MFSD12: variants seen among roughly 807,000 people sequenced by gnomAD.
MFSD12 encodes major facilitator superfamily domain containing 12.
MFSD12 carries 67 observed loss-of-function variants against 51.2 expected under a neutral mutation model. The ratio of observed to expected loss-of-function variants is 1.31; its 90% CI spans 1.08 to 1.60. The LOEUF (loss-of-function observed/expected upper bound fraction) is 1.60, where lower values mean the gene tolerates loss of function less well. Ranked by LOEUF, MFSD12 falls within the 40% of genes most tolerant of loss-of-function variation. The probability of loss-of-function intolerance (pLI) is 0.00; values close to 1 mark genes in which losing one functional copy is unlikely to be tolerated. For missense variants in MFSD12, 921 were observed against 673.0 expected (o/e 1.37, Z -4.08); for synonymous variants, 441 against 316.7 (o/e 1.39, Z -4.17).
chr19:3,556,188 C>G (rs745925528), intron 1 of MFSD12, among the ~76,000 whole-genome samples: 3 of 152,230 alleles, frequency 2.0e-5, no homozygotes, highest in Non-Finnish European at 4.4e-5. Flanking sequence ...GCAGAACACA[C>G]AGAGAGAGAG....
At chr19:3,543,502 G>A, downstream of MFSD12, 1 of 1,345,680 alleles carries the variant, frequency 7.4e-7, no homozygotes, top group African/African-American at 1.6e-5. Flanking sequence ...GCCCTGGGCA[G>A]CGGGCCTGCC....
chr19:3,544,030 A>G (rs982784090), downstream of MFSD12: 17 of 1,517,690 alleles, frequency 1.1e-5, no homozygotes, highest in Non-Finnish European at 1.3e-5. Context: ...ACCAGGATGC[A>G]CCCACTGTCT....
chr19:3,542,896 G>A, downstream of MFSD12: 1 of 1,414,138 alleles, frequency 7.1e-7, no homozygotes, highest in Non-Finnish European at 9.5e-7. Context: ...TGTGGGTCTT[G>A]GAGGCTGGAC....
downstream of MFSD12, chr19:3,544,101 C>T: frequency 7.0e-7 from 1 of 1,432,848 alleles, no homozygotes; most frequent in African/African-American, 1.4e-5. Flanking sequence ...GGGACAGAGG[C>T]AGACACTGGG....
At chr19:3,547,205 G>C (rs137947837) in intron 6 of MFSD12, 67 bp downstream of exon 6, 1 of 1,376,224 alleles carries the variant, frequency 7.3e-7, no homozygotes, top group Non-Finnish European at 1.0e-6. Context: ...AACCCGGAGC[G>C]GGTGGGATCT....
At chr19:3,539,296 C>A, downstream of MFSD12, 1 of 1,105,008 alleles carries the variant, frequency 9.0e-7, no homozygotes, top group Non-Finnish European at 1.3e-6. Context: ...CCTCCCAGCC[C>A]CTCCCTCCCT....
At chr19:3,543,815 A>C, downstream of MFSD12, 1 of 1,509,926 alleles carries the variant, frequency 6.6e-7, no homozygotes, top group Non-Finnish European at 8.9e-7. Context: ...TGGTGACCCG[A>C]GTCCCACCTA....
chr19:3,542,587 C>T, downstream of MFSD12: 1 of 753,050 alleles, frequency 1.3e-6, no homozygotes, highest in Non-Finnish European at 1.6e-6. Flanking sequence ...GATTCTCCTG[C>T]CTCAGCCTCC....
chr19:3,550,653 G>C (rs1462017445), intron 2 of MFSD12, among the ~76,000 whole-genome samples: 2 of 152,130 alleles, frequency 1.3e-5, no homozygotes, highest in East Asian at 3.9e-4. Flanking sequence ...GCCTCCCAAA[G>C]TGCTGGGATT....
chr19:3,550,932 A>G (rs2031435851), intron 2 of MFSD12, 52 bp downstream of exon 2: 3 of 1,505,108 alleles, frequency 2.0e-6, no homozygotes, highest in Non-Finnish European at 2.7e-6. Context: ...ACTGACTGAT[A>G]CACCGAGCCG....
rs2030737405 is a variant in MFSD12, at chr19:3,544,235, C to T, written c.*475G>A. On this transcript the variant is annotated 3_prime_UTR_variant, in exon 10 of 10. Transcript: ENST00000355415. ...CTTTATTTGCTGCCAGCAGAGTCCA[C>T]CAAGCCTGCCGGGCAGCCCTGCTGC... 2 of 1,331,794 alleles carry T rather than the reference C, an allele frequency of 1.5e-6. No individual in the cohort carries two copies. The highest frequency in any genetic ancestry group is 4.2e-5 in the South Asian group (2 of 47,144). The allele number at this position is 1,331,794 out of a possible 1,614,324, so 82.5% of individuals were successfully genotyped here. A position where few individuals can be genotyped will look rare whatever the true frequency, so the allele number is the denominator to read the frequency against.
In MFSD12 at chr19:3,544,831, C is replaced by T. The variant is rs576528104; in HGVS notation, c.1398G>A (p.Leu466=). The part of the protein sequence containing the change: ...AAALCLCSLL[L]WPTRLRRWDR... ...CACAGCGTCGCAGGCGGGTCGGCCA[C>T]AGCAGGAGGCTACAGAGACACAGGG... Residue 466 remains leucine, a synonymous_variant, in exon 9 of 10, where the codon CTG becomes CTA. Coordinates refer to ENST00000355415, the MANE Select transcript of MFSD12 (RefSeq NM_174983.5). 1.2e-4 allele frequency: 200 copies of T among 1,612,526 alleles called. 3 individuals are homozygous for T. The South Asian group carries it at 2.1e-3, about 17-fold the overall frequency.
Position 3,546,292 on chromosome 19 carries a change from G to C in MFSD12, c.1157C>G (p.Ser386Trp), listed in dbSNP as rs375475821. ...GATGAGGTCGGCCGTCATGGCCAGC[G>C]AGGTGACGAGGATGGTGGCACAGCC... ...GAGCATILVT[S>W]LAMTADLIGP... The change falls in exon 7 of 10, where the codon TCG becomes TGG. Residue 386 changes from serine (S) to tryptophan (W), a missense_variant. Transcript: ENST00000355415. The C allele has an allele frequency of 6.2e-7, 1 of 1,610,254 alleles. No homozygotes were observed. The highest frequency in any genetic ancestry group is 8.5e-7 in the Non-Finnish European group (1 of 1,179,012).
In MFSD12 at chr19:3,557,443, G is replaced by A; in HGVS notation, c.-40C>T. 2 of 1,177,174 alleles carry A rather than the reference G, an allele frequency of 1.7e-6. No individual in the cohort carries two copies. Among genetic ancestry groups the A allele is most frequent in the Non-Finnish European group, 2.1e-6 (2 of 945,708 alleles). 72.9% of individuals were successfully genotyped at this position (1,177,174 alleles called of 1,614,324 possible). A position where few individuals can be genotyped will look rare whatever the true frequency, so the allele number is the denominator to read the frequency against. On this transcript the variant is annotated 5_prime_UTR_variant, in exon 1 of 10. Transcript: ENST00000355415. ...CGCGCCCCCCACCCCCGGGCTCCGC[G>A]GAGGGTACCCTGGCCAGGCCTTCTT...
intron 4 of MFSD12, chr19:3,538,864 G>C: frequency 1.7e-6 from 1 of 594,174 alleles, no homozygotes; most frequent in Non-Finnish European, 3.3e-6. Context: ...GATCGAAGGG[G>C]CAGGGGGAGA....
Position 3,546,295 on chromosome 19 carries a change from G to T in MFSD12, c.1154C>A (p.Thr385Asn). The change falls in exon 7 of 10, where the codon ACC (threonine) becomes AAC (asparagine). Residue 385 changes from threonine (T) to asparagine (N), a missense_variant. Thr to Asn is a moderately conservative substitution (Grantham distance 65, BLOSUM62 0). Coordinates refer to ENST00000355415, the MANE Select transcript of MFSD12 (RefSeq NM_174983.5). ...GAGGTCGGCCGTCATGGCCAGCGAG[G>T]TGACGAGGATGGTGGCACAGCCAGC... ...LGAGCATILV[T>N]SLAMTADLIG... The T allele has an allele frequency of 3.1e-6, 5 of 1,610,410 alleles. No individual in the cohort carries two copies. Among genetic ancestry groups the T allele is most frequent in the Non-Finnish European group, 4.2e-6 (5 of 1,179,102 alleles).
rs749319398 is a variant in MFSD12, at chr19:3,551,064, G to C, written c.429C>G (p.Ala143=). 64 of 1,612,916 alleles carry C rather than the reference G, an allele frequency of 4.0e-5. 1 individual carries two copies. The Admixed American group carries it at 1.0e-3, about 25-fold the overall frequency. The change falls in exon 2 of 10, where the codon GCC becomes GCG. Residue 143 remains alanine, a synonymous_variant. Coordinates refer to ENST00000355415, the MANE Select transcript of MFSD12 (RefSeq NM_174983.5). The surrounding 1 kb of genome is among the most constrained non-coding windows in gnomAD (Gnocchi z 4.6). ...PFIVIFQFGW[A]STQISHLSLI... ...GGCTGAGGTGGGAGATCTGTGTGGA[G>C]GCCCAGCCAAACTGGAAGATCACGA...
At chr19:3,541,824 G>GTTGAGACAGAGTCTCGCTCTCTCAC, downstream of MFSD12, 2 of 982,726 alleles carry the variant, frequency 2.0e-6, no homozygotes, top group Non-Finnish European at 2.4e-6. Context: ...TTTTGTTTGT[G>GTTGAGACAGAGTCTCGCTCTCTCAC]TTGAGACAGA....
At chr19:3,542,123 T>TTTAA, downstream of MFSD12, 1 of 985,308 alleles carries the variant, frequency 1.0e-6, no homozygotes, top group Non-Finnish European at 1.2e-6. Flanking sequence ...TTTGTGCTGT[T>TTTAA]TTAATTGTGT....
Sources: gnomAD v4.1 joint callset for allele counts (sites outside exome capture counted in the v4.1 genomes callset) on GRCh38, gnomAD v4.1.1 for gene constraint, Gnocchi (gnomAD v3.1) non-coding constraint, MANE v1.5 for transcripts, NCBI Gene and HGNC (gene_info 2026-07-23, HGNC 2026-07-21) for gene names.